Variants in CENPC observed in about 807,000 individuals in gnomAD.
CENPC encodes centromere protein C.
In CENPC, 63 loss-of-function variants were observed where a neutral mutation model predicts 112.1. That is an observed-to-expected ratio of 0.56 (90% confidence interval 0.46 to 0.69). The LOEUF (loss-of-function observed/expected upper bound fraction) is 0.69. Ranked by LOEUF, CENPC falls within the 30% of genes least tolerant of loss-of-function variation. The pLI is 0.00. For synonymous variants in CENPC, 333 were observed against 367.6 expected (o/e 0.91, Z 1.08); for missense variants, 1,000 against 1,103.8 (o/e 0.91, Z 1.33).
chr4:67,510,937 C>T (rs1725876761), intron 9 of CENPC: 1 of 452,856 alleles, frequency 2.2e-6, no homozygotes, highest in East Asian at 7.0e-5. Flanking sequence ...TTTCAGAGAT[C>T]TAGCACATTT....
At position 67,472,348 on chromosome 4, in the gene CENPC, T is replaced by G; in HGVS notation, c.*257A>C. ...TTTTGACACAGAAATGTTCTATATT[T>G]CATTTTCATATTCTTGTCAAATTAT... On this transcript the variant is annotated 3_prime_UTR_variant, in exon 19 of 19. Coordinates refer to ENST00000273853, the MANE Select transcript of CENPC (RefSeq NM_001812.4). 3 of 292,860 alleles carry G rather than the reference T, an allele frequency of 1.0e-5. No individual in the cohort carries two copies. Among genetic ancestry groups the G allele is most frequent in the Non-Finnish European group, 1.7e-5 (3 of 175,394 alleles). The allele number at this position is 292,860 out of a possible 1,614,324, so 18.1% of individuals were successfully genotyped here. A position where few individuals can be genotyped will look rare whatever the true frequency, so the allele number is the denominator to read the frequency against.
At chr4:67,485,475 C>CT (rs369939725) in intron 17 of CENPC, among the ~76,000 whole-genome samples, 3 of 151,332 alleles carry the variant, frequency 2.0e-5, no homozygotes, top group Admixed American at 1.3e-4. Context: ...CTTAACCCCC[C>CT]CAATGTGATG....
At position 67,494,299 on chromosome 4, in the gene CENPC, ATT is replaced by A. The variant is rs1725371209; in HGVS notation, c.2186-313_2186-312del. 1.3e-5 allele frequency among the ~76,000 whole-genome samples: 2 copies of A among 152,162 alleles called. 1 individual carries two copies. The highest frequency in any genetic ancestry group is 4.1e-4 in the South Asian group (2 of 4,830). ...ATTGAGTTTGTTGGCTTATCTTCAA[ATT>A]CCCATGTTCTTACCTATTTTTTGTT... On this transcript the variant is annotated intron_variant, in intron 13 of 18. Coordinates refer to ENST00000273853, the MANE Select transcript of CENPC (RefSeq NM_001812.4).
chr4:67,482,663 G>T lies in CENPC; in HGVS notation c.2670+7304C>A, dbSNP rs945992847. Among the ~76,000 whole-genome samples the T allele has an allele frequency of 1.1e-4, 16 of 152,136 alleles. 1 individual carries two copies. The highest frequency in any genetic ancestry group is 3.4e-4 in the African/African-American group (14 of 41,426). ...ACCCAGGAATGGAAAACCAAACATT[G>T]TATGTTCTCACTTATAAGTGGGAGC... On this transcript the variant is annotated intron_variant, in intron 17 of 18. Transcript: ENST00000273853.
chr4:67,533,086 T>C (rs539754772), intron 4 of CENPC, among the ~76,000 whole-genome samples: 2 of 152,310 alleles, frequency 1.3e-5, no homozygotes, highest in South Asian at 4.1e-4. Context: ...TTACATGGTT[T>C]GCCTGTGTCC....
At chr4:67,528,108 T>C (rs1726436966) in intron 5 of CENPC, among the ~76,000 whole-genome samples, 2 of 152,138 alleles carry the variant, frequency 1.3e-5, no homozygotes. Context: ...ATTCAAATTT[T>C]TAAAGGTCTA....
In CENPC at chr4:67,484,756, T is replaced by C. The variant is rs190096043; in HGVS notation, c.2670+5211A>G. Among the ~76,000 whole-genome samples, 277 of 152,302 alleles carry C rather than the reference T, an allele frequency of 1.8e-3. 1 individual carries two copies. The highest frequency in any genetic ancestry group is 5.2e-3 in the Admixed American group (80 of 15,304). ...TTTTTCCTTATTACTTACTGGCTTA[T>C]GAAAATTCTACAGCCACTGTAAAGA... On this transcript the variant is annotated intron_variant, in intron 17 of 18. Transcript: ENST00000273853.
chr4:67,484,954 G>A (rs1193895756), intron 17 of CENPC, among the ~76,000 whole-genome samples: 1 of 152,230 alleles, frequency 6.6e-6, no homozygotes, highest in Middle Eastern at 3.4e-3. Context: ...TTAGCCAGGC[G>A]TGGTGGCGGG....
chr4:67,475,362 C>T (rs1320788655), intron 17 of CENPC, among the ~76,000 whole-genome samples: 1 of 152,172 alleles, frequency 6.6e-6, no homozygotes, highest in Non-Finnish European at 1.5e-5. Context: ...AGAATGACAC[C>T]CTGGCCAACA....
At chr4:67,526,159 C>T (rs962989604) in intron 5 of CENPC, among the ~76,000 whole-genome samples, 5 of 151,620 alleles carry the variant, frequency 3.3e-5, no homozygotes, top group African/African-American at 1.2e-4. Context: ...CACACCAGGG[C>T]CTGTGGTGGG....
intron 17 of CENPC, among the ~76,000 whole-genome samples, chr4:67,487,223 AT>A (rs1246545702): frequency 6.6e-6 from 1 of 151,934 alleles, no homozygotes; most frequent in African/African-American, 2.4e-5. Flanking sequence ...CTATTATTTG[AT>A]TACCTAATAG....
intron 12 of CENPC, among the ~76,000 whole-genome samples, chr4:67,504,813 C>T (rs1480683764): frequency 1.3e-5 from 2 of 151,676 alleles, no homozygotes; most frequent in Middle Eastern, 3.2e-3. Flanking sequence ...CAGAGCGAGA[C>T]TCCGTCTCAA....
At chr4:67,472,891 A>G (rs1022411567) in intron 18 of CENPC, among the ~76,000 whole-genome samples, 2 of 152,224 alleles carry the variant, frequency 1.3e-5, no homozygotes, top group African/African-American at 4.8e-5. Flanking sequence ...TATAAATTTC[A>G]CATCGTTATG....
intron 16 of CENPC, among the ~76,000 whole-genome samples, chr4:67,490,837 A>ATATATAT (rs1725229383): frequency 1.8e-5 from 1 of 57,112 alleles, no homozygotes; most frequent in African/African-American, 5.9e-5. Flanking sequence ...TATAGAAATA[A>ATATATAT]ATATATATAT....
intron 16 of CENPC, among the ~76,000 whole-genome samples, chr4:67,490,849 T>G (rs1350938491): frequency 6.7e-5 from 1 of 14,982 alleles, no homozygotes; most frequent in African/African-American, 1.5e-4. Context: ...TATATATATA[T>G]ATATATATAT....
chr4:67,503,233 C>T (rs760079503), intron 12 of CENPC, among the ~76,000 whole-genome samples: 18 of 152,270 alleles, frequency 1.2e-4, no homozygotes, highest in Middle Eastern at 3.4e-3. Context: ...CTCTGGCCTT[C>T]TTGGTGTTCC....
intron 16 of CENPC, 92 bp downstream of exon 16, chr4:67,492,088 G>C: frequency 2.4e-6 from 2 of 829,650 alleles, no homozygotes; most frequent in East Asian, 2.7e-5. Flanking sequence ...ATTGGGGAGA[G>C]AAAGGGAAAG....
At chr4:67,511,082 A>G (rs577303985) in intron 9 of CENPC, 5 of 455,860 alleles carry the variant, frequency 1.1e-5, no homozygotes, top group Non-Finnish European at 1.8e-5. Flanking sequence ...ACACTTCAAT[A>G]CTAACATATG....
In CENPC at chr4:67,518,253, T is replaced by C; in HGVS notation, c.733A>G (p.Asn245Asp). Residue 245 changes from asparagine (N) to aspartate (D), a missense_variant, in exon 7 of 19, where the codon AAT becomes GAT. Coordinates refer to ENST00000273853, the MANE Select transcript of CENPC (RefSeq NM_001812.4). ...QERKPSGSSQNRIRDSEYEIQ... is the reference protein window; with the variant it reads ...QERKPSGSSQDRIRDSEYEIQ... ...TCATATTCTGAATCTCGTATTCTAT[T>C]CTGAGATGATCCTGATGGTTTTCTT... The C allele has an allele frequency of 6.4e-7, 1 of 1,561,640 alleles. No individual in the cohort carries two copies. The highest frequency in any genetic ancestry group is 8.7e-7 in the Non-Finnish European group (1 of 1,153,168).
Sources: gnomAD v4.1 joint callset for allele counts (sites outside exome capture counted in the v4.1 genomes callset) on GRCh38, gnomAD v4.1.1 for gene constraint, MANE v1.5 for transcripts, NCBI Gene and HGNC (gene_info 2026-07-23, HGNC 2026-07-21) for gene names.